The following TIAM1 variants were observed in gnomAD, a reference collection of about 807,000 sequenced individuals.
TIAM1 encodes rho guanine nucleotide exchange factor TIAM1.
Under a neutral mutation model 163.5 loss-of-function variants are expected in TIAM1, and 65 were observed. The observed-to-expected ratio is 0.40, with a 90% CI of 0.33 to 0.49. TIAM1 has a LOEUF of 0.49. TIAM1 is among the 20% of genes least tolerant of loss of function. TIAM1 has a pLI of 0.77. For synonymous variants in TIAM1, 833 were observed against 810.1 expected (o/e 1.03, Z -0.48); for missense variants, 1,789 against 2,044.7 (o/e 0.87, Z 2.41).
At chr21:31,445,837 T>C (rs906967016) in intron 2 of TIAM1, among the ~76,000 whole-genome samples, 5 of 152,040 alleles carry the variant, frequency 3.3e-5, no homozygotes, top group Non-Finnish European at 5.9e-5. Flanking sequence ...AAAGGAGAGA[T>C]TGGGGTTTTG....
Position 31,165,071 on chromosome 21 carries a change from A to G in TIAM1, c.2888-6T>C, listed in dbSNP as rs1389743034. 6.2e-7 allele frequency: 1 copy of G among 1,613,444 alleles called. No individual in the cohort carries two copies. The highest frequency in any genetic ancestry group is 8.5e-7 in the Non-Finnish European group (1 of 1,179,986). On this transcript the variant is annotated splice_polypyrimidine_tract_variant and splice_region_variant and intron_variant, in intron 15 of 27. Coordinates refer to ENST00000541036, the MANE Select transcript of TIAM1 (RefSeq NM_001353694.2). ...CTCGCTGCAAAGGCTGTGCCCTGTC[A>G]GATGAAATCAGAAGAAAATGTGGGT...
intron 2 of TIAM1, among the ~76,000 whole-genome samples, chr21:31,305,089 G>A (rs2146968200): frequency 1.3e-5 from 2 of 152,180 alleles, no homozygotes; most frequent in East Asian, 1.9e-4. Context: ...GAGACAGACA[G>A]ACAACATTTA....
At chr21:31,406,119 G>A (rs1304800457) in intron 2 of TIAM1, among the ~76,000 whole-genome samples, 3 of 151,138 alleles carry the variant, frequency 2.0e-5, no homozygotes, top group South Asian at 2.1e-4. Flanking sequence ...GATTAATATG[G>A]CTCAACACCC....
rs1020617706 is a variant in TIAM1 at position 31,210,731 on chromosome 21, G to A, written c.2218-516C>T. On this transcript the variant is annotated intron_variant, in intron 10 of 27. Coordinates refer to ENST00000541036, the MANE Select transcript of TIAM1 (RefSeq NM_001353694.2). ...AGAAAGAAAGAGAAAGAAAGAAAGAGAAAGAAGGAAGGAAGGGAGAAAGAA... is the reference window on the plus strand; with the variant it reads ...AGAAAGAAAGAGAAAGAAAGAAAGAAAAAGAAGGAAGGAAGGGAGAAAGAA... Among the ~76,000 whole-genome samples the A allele has an allele frequency of 4.0e-4, 42 of 104,274 alleles. 3 individuals carry two copies. Among genetic ancestry groups the A allele is most frequent in the African/African-American group, 1.9e-3 (34 of 17,694 alleles). 68.4% of individuals were successfully genotyped at this position (104,274 alleles called of 152,430 possible). A position where few individuals can be genotyped will look rare whatever the true frequency, so the allele number is the denominator to read the frequency against.
At position 31,210,642 on chromosome 21, in the gene TIAM1, AAAG is replaced by A. The variant is rs1569032125; in HGVS notation, c.2218-430_2218-428del. 1.4e-3 allele frequency among the ~76,000 whole-genome samples: 34 copies of A among 23,826 alleles called. 1 individual carries two copies. The highest frequency in any genetic ancestry group is 7.0e-3 in the African/African-American group (33 of 4,688). The allele number at this position is 23,826 out of a possible 152,430, so 15.6% of individuals were successfully genotyped here. ...GAAAGAAAGAAAGAAAGAAAGAAAG[AAAG>A]AAAGAAAGAAAGAAAGAAAGAAAAA... On this transcript the variant is annotated intron_variant, in intron 10 of 27. Coordinates refer to ENST00000541036, the MANE Select transcript of TIAM1 (RefSeq NM_001353694.2).
intron 2 of TIAM1, among the ~76,000 whole-genome samples, chr21:31,365,936 A>G (rs2076497824): frequency 6.6e-6 from 1 of 151,710 alleles, no homozygotes; most frequent in African/African-American, 2.4e-5. Flanking sequence ...CCCCGTCTGT[A>G]CTAAAATATA....
chr21:31,176,088 G>A (rs2084751114), intron 15 of TIAM1, among the ~76,000 whole-genome samples: 1 of 152,142 alleles, frequency 6.6e-6, no homozygotes, highest in South Asian at 2.1e-4. Context: ...TATGTTTGAT[G>A]GGCACAACTT....
intron 14 of TIAM1, among the ~76,000 whole-genome samples, chr21:31,186,695 G>A (rs1049300958): frequency 7.9e-5 from 12 of 151,806 alleles, no homozygotes; most frequent in African/African-American, 2.9e-4. Flanking sequence ...GTGAGAGGGT[G>A]GCTTGAGCCC....
intron 1 of TIAM1, among the ~76,000 whole-genome samples, chr21:31,508,066 CACAG>C (rs1325761337): frequency 3.3e-5 from 5 of 152,260 alleles, no homozygotes; most frequent in African/African-American, 1.2e-4. Flanking sequence ...ACATGGAAGA[CACAG>C]ACAGGGACAG....
At chr21:31,214,455 C>G (rs537149365) in intron 9 of TIAM1, among the ~76,000 whole-genome samples, 1 of 152,120 alleles carries the variant, frequency 6.6e-6, no homozygotes, top group Non-Finnish European at 1.5e-5. Context: ...CCTCATATAC[C>G]TGACCAGATA....
intron 6 of TIAM1, among the ~76,000 whole-genome samples, chr21:31,232,256 A>G (rs1334986165): frequency 6.6e-6 from 1 of 152,174 alleles, no homozygotes; most frequent in Non-Finnish European, 1.5e-5. Flanking sequence ...CAGCCCTTTT[A>G]ACTATTAAGT....
chr21:31,523,329 G>A (rs1438879905), intron 1 of TIAM1, among the ~76,000 whole-genome samples: 1 of 152,106 alleles, frequency 6.6e-6, no homozygotes, highest in Non-Finnish European at 1.5e-5. Flanking sequence ...GTGCAATTAA[G>A]AAAAATCTAA....
At chr21:31,361,937 C>T (rs2076414425) in intron 2 of TIAM1, among the ~76,000 whole-genome samples, 1 of 152,026 alleles carries the variant, frequency 6.6e-6, no homozygotes, top group Admixed American at 6.6e-5. Context: ...CATATACATG[C>T]ATGTAAGTGT....
intron 1 of TIAM1, among the ~76,000 whole-genome samples, chr21:31,468,073 G>T: frequency 7.3e-6 from 1 of 137,496 alleles, no homozygotes; most frequent in South Asian, 2.4e-4. Context: ...TGGGCGACAA[G>T]AGCGAAACTC....
At chr21:31,239,207 T>C (rs960076001) in intron 6 of TIAM1, among the ~76,000 whole-genome samples, 1 of 152,154 alleles carries the variant, frequency 6.6e-6, no homozygotes, top group Non-Finnish European at 1.5e-5. Flanking sequence ...ACTGCAGCCT[T>C]GACCTCCTTG....
chr21:31,233,853 G>A (rs1324566280), intron 6 of TIAM1, among the ~76,000 whole-genome samples: 2 of 152,210 alleles, frequency 1.3e-5, no homozygotes, highest in Non-Finnish European at 1.5e-5. Context: ...AAGGAAAACA[G>A]GGACCGTGCG....
At chr21:31,262,002 C>T (rs1364719902) in intron 4 of TIAM1, among the ~76,000 whole-genome samples, 1 of 152,154 alleles carries the variant, frequency 6.6e-6, no homozygotes, top group Non-Finnish European at 1.5e-5. Flanking sequence ...CAAAGCTTCC[C>T]ACAGAACACA....
At chr21:31,122,671 T>C (rs2082047046) in intron 27 of TIAM1, among the ~76,000 whole-genome samples, 2 of 152,238 alleles carry the variant, frequency 1.3e-5, no homozygotes, top group African/African-American at 4.8e-5. Context: ...TTGGCAAACG[T>C]ATAGTACTTT....
intron 15 of TIAM1, among the ~76,000 whole-genome samples, chr21:31,181,629 T>A (rs2085018799): frequency 6.6e-6 from 1 of 151,780 alleles, no homozygotes; most frequent in Admixed American, 6.6e-5. Context: ...CTCACGTCCT[T>A]CTCTCAGACA....
Sources: gnomAD v4.1 joint callset for allele counts (sites outside exome capture counted in the v4.1 genomes callset) on GRCh38, gnomAD v4.1.1 for gene constraint, MANE v1.5 for transcripts, NCBI Gene and HGNC (gene_info 2026-07-23, HGNC 2026-07-21) for gene names.